GGH: variants seen among roughly 807,000 people sequenced by gnomAD.
GGH encodes the protein gamma-glutamyl hydrolase.
Under a neutral mutation model 39.2 loss-of-function variants are expected in GGH, and 18 were observed. The ratio of observed to expected loss-of-function variants is 0.46; its 90% CI spans 0.32 to 0.68. GGH has a LOEUF of 0.68. Among genes scored for constraint, GGH ranks in the 30% least tolerant of loss-of-function variants. GGH has a pLI of 0.04. For synonymous variants in GGH, 147 were observed against 138.8 expected, an observed-to-expected ratio of 1.06 and a Z score of -0.42; for missense variants, 367 against 384.1, an observed-to-expected ratio of 0.96 and a Z score of 0.37.
intron 2 of GGH, among the ~76,000 whole-genome samples, chr8:63,034,959 A>G (rs1804873826): frequency 6.6e-6 from 1 of 152,162 alleles, no homozygotes; most frequent in South Asian, 2.1e-4. Flanking sequence ...ATGAAGTCTG[A>G]GATTTCAATG....
At chr8:63,017,788 T>C in intron 7 of GGH, 158 bp from the exon 8 acceptor site, 1 of 518,430 alleles carries the variant, frequency 1.9e-6, no homozygotes, top group South Asian at 3.2e-5. Context: ...TTTCCATTCA[T>C]AATCAATGTG....
rs747944361 is a variant in GGH, at chr8:63,017,560, A to T, written c.768T>A (p.Asp256Glu). 1 of 1,609,924 alleles carries T rather than the reference A, an allele frequency of 6.2e-7. No individual in the cohort carries two copies. The highest frequency in any genetic ancestry group is 1.1e-5 in the South Asian group (1 of 90,968). ...CAGCATTAGGTGCATGGGAAATGCC[A>T]TCCAAATTCTTCCACTCATAAGGTG... The part of the protein sequence containing the change: ...EKAPYEWKNL[D>E]GISHAPNAVK... The change falls in exon 8 of 9, where the codon GAT becomes GAA. Residue 256 changes from aspartate (D) to glutamate (E), a missense_variant. By Grantham distance (45) the Asp-to-Glu change is conservative. Coordinates refer to ENST00000260118, the MANE Select transcript of GGH (RefSeq NM_003878.3).
chr8:63,020,423 A>G (rs1804565529), intron 7 of GGH, among the ~76,000 whole-genome samples: 1 of 152,196 alleles, frequency 6.6e-6, no homozygotes, highest in Non-Finnish European at 1.5e-5. Flanking sequence ...AACACAAAGG[A>G]GAGTAAGATA....
At chr8:63,015,891 A>T (rs2130949719) in intron 8 of GGH, among the ~76,000 whole-genome samples, 1 of 152,328 alleles carries the variant, frequency 6.6e-6, no homozygotes. Flanking sequence ...AACAGGTCCT[A>T]ACACTCAAAA....
At chr8:63,019,828 A>C (rs1176317698) in intron 7 of GGH, among the ~76,000 whole-genome samples, 5 of 152,150 alleles carry the variant, frequency 3.3e-5, no homozygotes, top group Non-Finnish European at 5.9e-5. Flanking sequence ...TTAGGACCTT[A>C]TGGTCCTGAT....
At chr8:63,024,436 GAT>G (rs1804648281) in intron 5 of GGH, 1 of 354,966 alleles carries the variant, frequency 2.8e-6, no homozygotes, top group South Asian at 4.8e-5. Context: ...AAATTCTTCC[GAT>G]ATGAGTATTG....
At chr8:63,025,044 G>A (rs1804659274) in intron 5 of GGH, 1 of 152,144 alleles carries the variant, frequency 6.6e-6, no homozygotes, top group Admixed American at 6.6e-5. Flanking sequence ...AATAGCTGGT[G>A]GCTTCAATTC....
intron 2 of GGH, among the ~76,000 whole-genome samples, chr8:63,030,663 C>T (rs1804786259): frequency 6.6e-6 from 1 of 152,114 alleles, no homozygotes; most frequent in Non-Finnish European, 1.5e-5. Context: ...AATGCCAAGT[C>T]GCTGCCTGAT....
At chr8:63,032,632 G>A (rs1426967957) in intron 2 of GGH, among the ~76,000 whole-genome samples, 2 of 152,142 alleles carry the variant, frequency 1.3e-5, no homozygotes. Context: ...CCAAAATTCA[G>A]AAATGAACCT....
intron 4 of GGH, among the ~76,000 whole-genome samples, chr8:63,026,528 A>G (rs547371020): frequency 1.3e-5 from 2 of 152,352 alleles, no homozygotes; most frequent in East Asian, 3.9e-4. Flanking sequence ...AGACTATAAA[A>G]GCCTATAGAT....
At chr8:63,034,775 T>C (rs1228759689) in intron 2 of GGH, among the ~76,000 whole-genome samples, 2 of 152,200 alleles carry the variant, frequency 1.3e-5, no homozygotes, top group African/African-American at 4.8e-5. Flanking sequence ...AAGTAGAGTG[T>C]GAAGGTATTT....
At chr8:63,037,021 G>A (rs1804922865) in intron 1 of GGH, among the ~76,000 whole-genome samples, 1 of 152,140 alleles carries the variant, frequency 6.6e-6, no homozygotes, top group Non-Finnish European at 1.5e-5. Context: ...CGTCTGTCGG[G>A]TGAGTACCTG....
At position 63,038,661 on chromosome 8, in the gene GGH, G is replaced by A. The variant is rs531939120; in HGVS notation, c.108C>T (p.Ile36=). ...TGCGGCCCCGCACAGCCTCCTTACC[G>A]ATGATGGGCTTCTTGGCGGTGTCGC... ...PHGDTAKKPI[I]GILMQKCRNK... is the part of the protein sequence containing the mutation. The change falls in exon 1 of 9, where the codon ATC becomes ATT. Residue 36 remains isoleucine (I), a splice_region_variant and synonymous_variant. Transcript: ENST00000260118. 1 of 1,464,192 alleles carries A rather than the reference G, an allele frequency of 6.8e-7. No individual in the cohort carries two copies. The highest frequency in any genetic ancestry group is 9.2e-7 in the Non-Finnish European group (1 of 1,086,602). The allele number at this position is 1,464,192 out of a possible 1,614,324, so 90.7% of individuals were successfully genotyped here.
chr8:63,023,812 C>A, intron 7 of GGH, 95 bp downstream of exon 7: 1 of 950,358 alleles, frequency 1.1e-6, no homozygotes. Context: ...CTCTTCAAGC[C>A]CCAAAGTAAT....
chr8:63,023,489 T>C (rs1286646752), intron 7 of GGH: 1 of 153,432 alleles, frequency 6.5e-6, no homozygotes, highest in Non-Finnish European at 1.4e-5. Flanking sequence ...GGTTTAAATA[T>C]TCCACTCAAC....
chr8:63,021,451 G>A (rs141888297), intron 7 of GGH, among the ~76,000 whole-genome samples: 47 of 152,218 alleles, frequency 3.1e-4, no homozygotes, highest in Middle Eastern at 6.8e-3. Context: ...TTTTCCAATC[G>A]TAAGTGCATG....
rs1804512884 is a variant in GGH, at chr8:63,017,701, T to C, written c.698-71A>G. 3.4e-6 allele frequency: 3 copies of C among 886,350 alleles called. No homozygotes were observed. In the South Asian group the frequency reaches 6.0e-5, roughly 18 times the overall value. The allele number at this position is 886,350 out of a possible 1,614,324, so 54.9% of individuals were successfully genotyped here. A position where few individuals can be genotyped will look rare whatever the true frequency, so the allele number is the denominator to read the frequency against. On this transcript the variant is annotated intron_variant, in intron 7 of 8. Transcript: ENST00000260118. Reference sequence around the variant, plus strand: ...TGTTACTTATAATGAAATTGGTTTATTTCTTATGTAAAACATTTTATAATT... The same window carrying C: ...TGTTACTTATAATGAAATTGGTTTACTTCTTATGTAAAACATTTTATAATT...
intron 1 of GGH, 95 bp downstream of exon 1, chr8:63,038,565 G>T: frequency 1.6e-6 from 1 of 609,756 alleles, no homozygotes; most frequent in Non-Finnish European, 2.6e-6. Context: ...GGTTTTTCCC[G>T]GCGGGACGCG....
At chr8:63,035,819 C>G in intron 1 of GGH, 49 bp from the exon 2 acceptor site, 1 of 1,471,800 alleles carries the variant, frequency 6.8e-7, no homozygotes, top group Non-Finnish European at 9.4e-7. Flanking sequence ...TTTCTTCTTG[C>G]TCAGAAACTG....
Sources: gnomAD v4.1 joint callset for allele counts (sites outside exome capture counted in the v4.1 genomes callset) on GRCh38, gnomAD v4.1.1 for gene constraint, MANE v1.5 for transcripts, NCBI Gene and HGNC (gene_info 2026-07-23, HGNC 2026-07-21) for gene names.